RRP7A: variants seen among roughly 807,000 people sequenced by gnomAD.
RRP7A encodes ribosomal RNA processing 7 homolog A.
RRP7A carries 27 observed loss-of-function variants against 38.4 expected under a neutral mutation model. That is an observed-to-expected ratio of 0.70 (90% CI 0.52 to 0.97). RRP7A has a LOEUF of 0.97. Among genes scored for constraint, RRP7A ranks in the 50% least tolerant of loss-of-function variants. RRP7A has a pLI of 0.00. For missense variants in RRP7A, 327 were observed against 375.4 expected (o/e 0.87, Z 1.07); for synonymous variants, 124 against 150.3 (o/e 0.83, Z 1.28).
In RRP7A at chr22:42,512,036, G is replaced by A; in HGVS notation, c.*874C>T. 1.0e-6 allele frequency: 1 copy of A among 962,258 alleles called. No homozygotes were observed. 59.6% of individuals were successfully genotyped at this position (962,258 alleles called of 1,614,324 possible). A position where few individuals can be genotyped will look rare whatever the true frequency, so the allele number is the denominator to read the frequency against. On this transcript the variant is annotated 3_prime_UTR_variant, in exon 7 of 7. Transcript: ENST00000323013. ...GACCTGCAGGGAGCTGGAATGCTGT[G>A]GGAGGGCCCTGACCCCGGGGCCCAT... is the stretch of plus-strand genomic sequence containing the variant.
intron 4 of RRP7A, among the ~76,000 whole-genome samples, 176 bp from the exon 5 acceptor site, chr22:42,514,955 C>T (rs1431878640): frequency 2.0e-5 from 3 of 150,568 alleles, no homozygotes; most frequent in African/African-American, 5.0e-5. Context: ...ATGCCTGTGC[C>T]GCTCTGTGCC....
In RRP7A at chr22:42,519,790, G is replaced by T; in HGVS notation, c.-4C>A. On this transcript the variant is annotated 5_prime_UTR_variant, in exon 1 of 7. Coordinates refer to ENST00000323013, the MANE Select transcript of RRP7A (RefSeq NM_015703.5). Reference sequence around the variant, plus strand: ...ACTTCCTCCTGCGCGCCACCATCTTGCCACCCGGGAGCGCGGGGGCCGCCG... The same window carrying T: ...ACTTCCTCCTGCGCGCCACCATCTTTCCACCCGGGAGCGCGGGGGCCGCCG... The T allele has an allele frequency of 7.0e-7, 1 of 1,431,534 alleles. No individual in the cohort carries two copies. The highest frequency in any genetic ancestry group is 9.1e-7 in the Non-Finnish European group (1 of 1,095,208). The allele number at this position is 1,431,534 out of a possible 1,614,324, so 88.7% of individuals were successfully genotyped here. A position where few individuals can be genotyped will look rare whatever the true frequency, so the allele number is the denominator to read the frequency against.
rs564015884 is a variant in RRP7A at position 42,512,152 on chromosome 22, G to C, written c.*758C>G. 1 of 1,551,560 alleles carries C rather than the reference G, an allele frequency of 6.4e-7. No individual in the cohort carries two copies. Among genetic ancestry groups the C allele is most frequent in the East Asian group, 2.2e-5 (1 of 44,660 alleles). On this transcript the variant is annotated 3_prime_UTR_variant, in exon 7 of 7. Coordinates refer to ENST00000323013, the MANE Select transcript of RRP7A (RefSeq NM_015703.5). Reference sequence around the variant, plus strand: ...TTTGTGGAAGTCCCAGGCAATCACTGTGTCCACATGAGCGAACCCCAGCAC... The same window carrying C: ...TTTGTGGAAGTCCCAGGCAATCACTCTGTCCACATGAGCGAACCCCAGCAC...
chr22:42,513,010 A>C lies in RRP7A; in HGVS notation c.758-15T>G, dbSNP rs113382803. On this transcript the variant is annotated splice_polypyrimidine_tract_variant and intron_variant, in intron 6 of 6. Transcript: ENST00000323013. Reference sequence around the variant, plus strand: ...CTGCGCTAGATCTGGGGGTGAGAGGAGGCGCGGGGCAGGGTCAGACAGCGC... The same window carrying C: ...CTGCGCTAGATCTGGGGGTGAGAGGCGGCGCGGGGCAGGGTCAGACAGCGC... 865 of 1,607,988 alleles carry C rather than the reference A, an allele frequency of 5.4e-4. 6 individuals carry two copies. The African/African-American group carries it at 0.01, about 19-fold the overall frequency.
rs892688575 is a variant in RRP7A at position 42,512,485 on chromosome 22, G to A, written c.*425C>T. The A allele has an allele frequency of 7.1e-6, 4 of 567,126 alleles. No homozygotes were observed. In the African/African-American group the frequency reaches 7.5e-5, roughly 11 times the overall value. 35.1% of individuals were successfully genotyped at this position (567,126 alleles called of 1,614,324 possible). A position where few individuals can be genotyped will look rare whatever the true frequency, so the allele number is the denominator to read the frequency against. On this transcript the variant is annotated 3_prime_UTR_variant, in exon 7 of 7. Coordinates refer to ENST00000323013, the MANE Select transcript of RRP7A (RefSeq NM_015703.5). ...AATAATCTCCAGCCAGCTGGAGGAA[G>A]GAAGGGCGGGCTGGGCCCACCTAGC...
Position 42,510,666 on chromosome 22 carries a change from A to G in RRP7A, c.*2244T>C, listed in dbSNP as rs1170155391. ...GGATATTTTGATCCAAGAGAGAATT[A>G]CTCTGACAAGGAGTCCCTGTCGTTC... On this transcript the variant is annotated 3_prime_UTR_variant, in exon 7 of 7. Coordinates refer to ENST00000323013, the MANE Select transcript of RRP7A (RefSeq NM_015703.5). 6.0e-5 allele frequency: 84 copies of G among 1,396,610 alleles called. No homozygotes were observed. Among genetic ancestry groups the G allele is most frequent in the Non-Finnish European group, 7.6e-5 (77 of 1,006,768 alleles). The allele number at this position is 1,396,610 out of a possible 1,614,324, so 86.5% of individuals were successfully genotyped here. A position where few individuals can be genotyped will look rare whatever the true frequency, so the allele number is the denominator to read the frequency against.
At chr22:42,518,761 G>A (rs943962310) in intron 1 of RRP7A, 2 of 470,862 alleles carry the variant, frequency 4.2e-6, no homozygotes, top group Admixed American at 4.7e-5. Flanking sequence ...TTAATCGCTG[G>A]CACACCCATG....
In RRP7A at chr22:42,509,521, C is replaced by T. The variant is rs1454217810; in HGVS notation, c.*3389G>A. ...CTTATTTTTGTATTTTTAGTAGAGACGAGGTTTCGCCATGTTGGCCAGGCT... is the reference window on the plus strand; with the variant it reads ...CTTATTTTTGTATTTTTAGTAGAGATGAGGTTTCGCCATGTTGGCCAGGCT... On this transcript the variant is annotated 3_prime_UTR_variant, in exon 7 of 7. Transcript: ENST00000323013. Among the ~76,000 whole-genome samples the T allele has an allele frequency of 4.0e-5, 6 of 149,984 alleles. No homozygotes were observed. Among genetic ancestry groups the T allele is most frequent in the South Asian group, 2.1e-4 (1 of 4,810 alleles).
intron 2 of RRP7A, among the ~76,000 whole-genome samples, chr22:42,517,780 A>T (rs150633004): frequency 0.01 from 1,586 of 152,264 alleles, 17 homozygotes; most frequent in South Asian, 0.016. Flanking sequence ...TCAGCCTCCC[A>T]AAGTGCTGGG....
chr22:42,516,042 C>T lies in RRP7A; in HGVS notation c.311G>A (p.Arg104Lys), dbSNP rs1254426260. 1.2e-6 allele frequency: 2 copies of T among 1,608,494 alleles called. No homozygotes were observed. The highest frequency in any genetic ancestry group is 2.2e-5 in the South Asian group (2 of 90,664). The stretch of plus-strand genomic sequence containing the variant: ...TGGCTTGGGATGAAAAAACTTCGAC[C>T]TTGACTCCTTTGGGCTCTCAGCCAG... Reference protein sequence around the residue: ...PDLAESPKESRSKFFHPKPVP... With the variant: ...PDLAESPKESKSKFFHPKPVP... Residue 104 changes from arginine to lysine, a missense_variant, in exon 3 of 7, where the codon AGG becomes AAG. By Grantham distance (26) the Arg-to-Lys change is conservative. Transcript: ENST00000323013.
At chr22:42,518,825 A>G (rs556899012) in intron 1 of RRP7A, 2 of 462,702 alleles carry the variant, frequency 4.3e-6, no homozygotes, top group African/African-American at 2.0e-5. Flanking sequence ...CACCTCCGTC[A>G]CAGTACCGGT....
chr22:42,517,677 G>A (rs953792809), intron 2 of RRP7A, among the ~76,000 whole-genome samples: 2 of 152,076 alleles, frequency 1.3e-5, no homozygotes, highest in Admixed American at 1.3e-4. Flanking sequence ...ATGCCATCAT[G>A]CCTGGCTCAT....
At position 42,516,075 on chromosome 22, in the gene RRP7A, T is replaced by G. The variant is rs150110293; in HGVS notation, c.278A>C (p.Lys93Thr). 1.4e-5 allele frequency: 23 copies of G among 1,613,508 alleles called. No individual in the cohort carries two copies. Among genetic ancestry groups the G allele is most frequent in the Non-Finnish European group, 1.9e-5 (23 of 1,179,648 alleles). Reference protein sequence around the residue: ...GLVQSVELQEKPDLAESPKES... With the variant: ...GLVQSVELQETPDLAESPKES... Reference sequence around the variant, plus strand: ...CTTTGGGCTCTCAGCCAGGTCCGGCTTCTCCTGCAACTCTACAGACTGGAC... The same window carrying G: ...CTTTGGGCTCTCAGCCAGGTCCGGCGTCTCCTGCAACTCTACAGACTGGAC... Residue 93 changes from lysine to threonine, a missense_variant, in exon 3 of 7, where the codon AAG (lysine) becomes ACG (threonine). By Grantham distance (78) the Lys-to-Thr change is moderately conservative. Transcript: ENST00000323013.
intron 1 of RRP7A, chr22:42,518,555 G>A: frequency 2.2e-6 from 1 of 449,158 alleles, no homozygotes; most frequent in South Asian, 1.6e-5. Context: ...GGGTACACCA[G>A]GGCCTCACAC....
Position 42,519,716 on chromosome 22 carries a change from G to C in RRP7A, c.71C>G (p.Ala24Gly). The C allele has an allele frequency of 2.1e-6, 3 of 1,459,534 alleles. No homozygotes were observed. Among genetic ancestry groups the C allele is most frequent in the Non-Finnish European group, 2.7e-6 (3 of 1,107,394 alleles). The allele number at this position is 1,459,534 out of a possible 1,614,324, so 90.4% of individuals were successfully genotyped here. A position where few individuals can be genotyped will look rare whatever the true frequency, so the allele number is the denominator to read the frequency against. ...TCTCGCGTCCCGGAGCCCCTCACCTGCGTAGCCCAGTGGGCTGGGGATACG... is the reference window on the plus strand; with the variant it reads ...TCTCGCGTCCCGGAGCCCCTCACCTCCGTAGCCCAGTGGGCTGGGGATACG... ...EDRIPSPLGY[A>G]AIPIKFSEKQ... The change falls in exon 1 of 7, where the codon GCA (alanine) becomes GGA (glycine). Residue 24 changes from alanine to glycine, a missense_variant and splice_region_variant. Physicochemically the swap from Ala to Gly is moderately conservative, Grantham distance 60. Around this residue, in one of 5 missense-constraint regions of RRP7A, gnomAD observed 183 missense variants for 141.8 expected, o/e 1.29. Coordinates refer to ENST00000323013, the MANE Select transcript of RRP7A (RefSeq NM_015703.5).
intron 2 of RRP7A, among the ~76,000 whole-genome samples, chr22:42,517,779 C>T (rs1920934769): frequency 6.6e-6 from 1 of 152,212 alleles, no homozygotes; most frequent in South Asian, 2.1e-4. Context: ...CTCAGCCTCC[C>T]AAAGTGCTGG....
In RRP7A at chr22:42,510,332, C is replaced by T. The variant is rs571125046; in HGVS notation, c.*2578G>A. ...CTCTCAGAGCAAGTGTGGGCTCCAG[C>T]GCCTGTTCAGATCCCAGCTCTGCTG... On this transcript the variant is annotated 3_prime_UTR_variant, in exon 7 of 7. Coordinates refer to ENST00000323013, the MANE Select transcript of RRP7A (RefSeq NM_015703.5). 1.4e-4 allele frequency: 24 copies of T among 168,820 alleles called. No homozygotes were observed. Among genetic ancestry groups the T allele is most frequent in the African/African-American group, 5.0e-4 (21 of 42,182 alleles). 10.5% of individuals were successfully genotyped at this position (168,820 alleles called of 1,614,324 possible). A position where few individuals can be genotyped will look rare whatever the true frequency, so the allele number is the denominator to read the frequency against.
rs199748775 is a variant in RRP7A, at chr22:42,516,018, G to A, written c.335C>T (p.Pro112Leu). The A allele has an allele frequency of 3.7e-6, 6 of 1,601,334 alleles. No homozygotes were observed. In the African/African-American group the frequency reaches 8.0e-5, roughly 21 times the overall value. The change falls in exon 3 of 7, where the codon CCA (proline) becomes CTA (leucine). Residue 112 changes from proline (P) to leucine (L), a missense_variant. This residue lies in a region of RRP7A where 12 missense variants were observed against 27.1 expected (regional missense o/e 0.44). Transcript: ENST00000323013. ...CCGGGCTTGGCGGCTCACCGGAACTGGCTTGGGATGAAAAAACTTCGACCT... is the reference window on the plus strand; with the variant it reads ...CCGGGCTTGGCGGCTCACCGGAACTAGCTTGGGATGAAAAAACTTCGACCT... ...ESRSKFFHPKPVPGFQVAYVV... is the reference protein window; with the variant it reads ...ESRSKFFHPKLVPGFQVAYVV...
chr22:42,509,834 G>C lies in RRP7A; in HGVS notation c.*3076C>G, dbSNP rs1258028626. Reference sequence around the variant, plus strand: ...GGTTGCTCAGGACCGGAAGCCTGTTGGGGGTGGGGGGGTGGGGTGTGTGTG... The same window carrying C: ...GGTTGCTCAGGACCGGAAGCCTGTTCGGGGTGGGGGGGTGGGGTGTGTGTG... On this transcript the variant is annotated 3_prime_UTR_variant, in exon 7 of 7. Transcript: ENST00000323013. 1 of 74,038 alleles carries C rather than the reference G, an allele frequency of 1.4e-5. No homozygotes were observed. Among genetic ancestry groups the C allele is most frequent in the African/African-American group, 9.3e-5 (1 of 10,748 alleles). The allele number at this position is 74,038 out of a possible 1,614,324, so 4.6% of individuals were successfully genotyped here.
Sources: gnomAD v4.1 joint callset for allele counts (sites outside exome capture counted in the v4.1 genomes callset) on GRCh38, gnomAD v4.1.1 for gene constraint, gnomAD v4.1.1 regional missense constraint, MANE v1.5 for transcripts, NCBI Gene and HGNC (gene_info 2026-07-23, HGNC 2026-07-21) for gene names.